Variants in CCDC88C observed in about 807,000 individuals in gnomAD.
The protein encoded by CCDC88C is protein Daple.
CCDC88C carries 131 observed loss-of-function variants against 198.8 expected under a neutral mutation model. That is an observed-to-expected ratio of 0.66 (90% CI 0.57 to 0.76). The LOEUF (loss-of-function observed/expected upper bound fraction) is 0.76, where lower values mean the gene tolerates loss of function less well. Among genes scored for constraint, CCDC88C ranks in the 30% least tolerant of loss-of-function variants. CCDC88C has a pLI of 0.00. For missense variants in CCDC88C, 2,553 were observed against 2,631.6 expected (o/e 0.97, Z 0.65); for synonymous variants, 1,166 against 1,114.7 (o/e 1.05, Z -0.92).
At chr14:91,361,821 C>G (rs1294384643) in intron 3 of CCDC88C, among the ~76,000 whole-genome samples, 1 of 152,188 alleles carries the variant, frequency 6.6e-6, no homozygotes, top group Admixed American at 6.5e-5. Context: ...CGCCCTACCA[C>G]CCCCGGCAAA....
Position 91,313,126 on chromosome 14 carries a change from G to A in CCDC88C, c.2690C>T (p.Thr897Ile). The A allele has an allele frequency of 1.2e-6, 2 of 1,604,924 alleles. No individual in the cohort carries two copies. Among genetic ancestry groups the A allele is most frequent in the Non-Finnish European group, 1.7e-6 (2 of 1,173,494 alleles). The change falls in exon 15 of 30, where the codon ACC becomes ATC. Residue 897 changes from threonine to isoleucine, a missense_variant. Physicochemically the swap from Thr to Ile is moderately conservative, Grantham distance 89 (BLOSUM62 -1). Transcript: ENST00000389857. The surrounding 1 kb of genome is among the most constrained non-coding windows in gnomAD (Gnocchi z 5.2). ...CCTTGCATGCACGGTGACTTGCTTG[G>A]TGAGGTCCCGGTTGTCCTTCTCCAG... ...KELEKDNRDL[T>I]KQVTVHARTL...
At chr14:91,283,216 C>A in intron 26 of CCDC88C, 113 bp downstream of exon 26, 2 of 1,091,578 alleles carry the variant, frequency 1.8e-6, no homozygotes, top group Non-Finnish European at 2.6e-6. Flanking sequence ...CCCCTCTACT[C>A]ACCACCTCTC....
At chr14:91,346,213 G>A (rs1250226699) in intron 4 of CCDC88C, among the ~76,000 whole-genome samples, 4 of 152,182 alleles carry the variant, frequency 2.6e-5, no homozygotes, top group African/African-American at 7.2e-5. Context: ...GGCTTTCCTT[G>A]AGATAATGAC....
At chr14:91,405,368 C>T (rs1395078634) in intron 3 of CCDC88C, among the ~76,000 whole-genome samples, 3 of 152,274 alleles carry the variant, frequency 2.0e-5, no homozygotes, top group South Asian at 2.1e-4. Context: ...GAGGGAGGCC[C>T]GCCCACGCAG....
At chr14:91,299,842 T>A in intron 21 of CCDC88C, 85 bp downstream of exon 21, 1 of 1,423,522 alleles carries the variant, frequency 7.0e-7, no homozygotes, top group Non-Finnish European at 9.2e-7. Context: ...CCAGGGGACT[T>A]GAACTTCTCA....
At chr14:91,396,378 A>G (rs1182184915) in intron 3 of CCDC88C, among the ~76,000 whole-genome samples, 1 of 152,162 alleles carries the variant, frequency 6.6e-6, no homozygotes, top group Non-Finnish European at 1.5e-5. Context: ...TTCTGTCACA[A>G]AAGGAACTGG....
chr14:91,286,164 C>T (rs529766867), intron 25 of CCDC88C, among the ~76,000 whole-genome samples: 1 of 152,258 alleles, frequency 6.6e-6, no homozygotes, highest in African/African-American at 2.4e-5. Context: ...TTATTAAACA[C>T]TAATGCTTAT....
At chr14:91,299,841 T>G (rs986341373) in intron 21 of CCDC88C, 86 bp downstream of exon 21, 1 of 1,423,172 alleles carries the variant, frequency 7.0e-7, no homozygotes, top group South Asian at 1.5e-5. Context: ...GCCAGGGGAC[T>G]TGAACTTCTC....
intron 10 of CCDC88C, among the ~76,000 whole-genome samples, chr14:91,330,027 A>C (rs967798306): frequency 1.3e-5 from 2 of 152,236 alleles, no homozygotes; most frequent in Admixed American, 1.3e-4. Context: ...GTGTTCATAA[A>C]AACTCACAGG....
chr14:91,351,920 C>T (rs901121947), intron 4 of CCDC88C, among the ~76,000 whole-genome samples: 1 of 152,176 alleles, frequency 6.6e-6, no homozygotes, highest in Non-Finnish European at 1.5e-5. Flanking sequence ...TCCTACCCCA[C>T]CTGCCTGCCA....
chr14:91,319,896 G>A (rs1361116320), intron 13 of CCDC88C, among the ~76,000 whole-genome samples: 1 of 151,902 alleles, frequency 6.6e-6, no homozygotes, highest in African/African-American at 2.4e-5. Context: ...GTGGTGGTGG[G>A]TGCCTGTAAT....
chr14:91,405,496 A>C (rs1886435111), intron 3 of CCDC88C, among the ~76,000 whole-genome samples: 1 of 152,186 alleles, frequency 6.6e-6, no homozygotes, highest in African/African-American at 2.4e-5. Flanking sequence ...GTTCTGGAAT[A>C]CCCCTTTACT....
intron 29 of CCDC88C, among the ~76,000 whole-genome samples, chr14:91,274,390 G>A (rs1466052291): frequency 6.6e-6 from 1 of 152,234 alleles, no homozygotes; most frequent in Non-Finnish European, 1.5e-5. Flanking sequence ...CACCACCTTG[G>A]GAATAGGCAG....
chr14:91,317,981 C>T (rs1892180609), intron 13 of CCDC88C, among the ~76,000 whole-genome samples: 1 of 152,272 alleles, frequency 6.6e-6, no homozygotes, highest in African/African-American at 2.4e-5. Flanking sequence ...AGAGATAATA[C>T]TGCAGGCTTT....
chr14:91,372,536 G>GGGGGGGGGGGGGGGGGGGGGGGGGGGT (rs1894859973), intron 3 of CCDC88C, among the ~76,000 whole-genome samples: 1 of 107,602 alleles, frequency 9.3e-6, no homozygotes, highest in Non-Finnish European at 1.8e-5. Context: ...TGCGGGGGGG[G>GGGGGGGGGGGGGGGGGGGGGGGGGGGT]GCGGGCGGGG....
At chr14:91,349,952 C>T (rs1458056646) in intron 4 of CCDC88C, among the ~76,000 whole-genome samples, 1 of 152,178 alleles carries the variant, frequency 6.6e-6, no homozygotes, top group African/African-American at 2.4e-5. Context: ...CCATGGCAGA[C>T]ATGATTAGTC....
rs190964218 is a variant in CCDC88C, at chr14:91,272,544, G to A, written c.*81C>T. ...TCATTCCAAACCCTCTCCTGGCACC[G>A]CAGGCAAGCAAGAGAAAAGGCCGTG... On this transcript the variant is annotated 3_prime_UTR_variant, in exon 30 of 30. Transcript: ENST00000389857. 286 of 1,426,558 alleles carry A rather than the reference G, an allele frequency of 2.0e-4. 2 individuals are homozygous for A. The Admixed American group carries it at 3.0e-3, about 15-fold the overall frequency. The allele number at this position is 1,426,558 out of a possible 1,614,324, so 88.4% of individuals were successfully genotyped here.
Position 91,273,331 on chromosome 14 carries a change from G to A in CCDC88C, c.5381C>T (p.Pro1794Leu). Residue 1794 changes from proline (P) to leucine (L), a missense_variant, in exon 30 of 30, where the codon CCT becomes CTT. Transcript: ENST00000389857. The surrounding 1 kb of genome is among the most constrained non-coding windows in gnomAD (Gnocchi z 5.6). ...GCTCAAGGAGGCACTGCGGCTGGCA[G>A]GTGCATGGGAAGCTGGGGGCACCGG... ...QAPVPPASHA[P>L]ASRSASLSRA... is the part of the protein sequence containing the mutation. 2 of 1,550,474 alleles carry A rather than the reference G, an allele frequency of 1.3e-6. No homozygotes were observed. Among genetic ancestry groups the A allele is most frequent in the Non-Finnish European group, 8.7e-7 (1 of 1,145,914 alleles).
chr14:91,326,127 C>T (rs929419112), intron 10 of CCDC88C, 71 bp from the exon 11 acceptor site: 12 of 1,430,282 alleles, frequency 8.4e-6, no homozygotes, highest in South Asian at 1.2e-5. Flanking sequence ...AATTCTAAAA[C>T]CAAAACTCTT....
Sources: allele counts gnomAD v4.1 joint callset (sites outside exome capture counted in the v4.1 genomes callset), GRCh38; gene constraint gnomAD v4.1.1; non-coding constraint Gnocchi (gnomAD v3.1); transcripts MANE v1.5; gene names NCBI Gene and HGNC (gene_info 2026-07-23, HGNC 2026-07-21).